FSCN3: variants seen among roughly 807,000 people sequenced by gnomAD.
FSCN3 encodes the protein fascin actin-bundling protein 3, also known as fascin-3.
Under a neutral mutation model 53.5 loss-of-function variants are expected in FSCN3, and 43 were observed. The observed-to-expected ratio is 0.80, with a 90% CI of 0.63 to 1.04. The LOEUF (loss-of-function observed/expected upper bound fraction) is 1.04, where lower values mean the gene tolerates loss of function less well. Ranked by LOEUF, FSCN3 falls within the 50% of genes least tolerant of loss-of-function variation. The probability of loss-of-function intolerance (pLI) is 0.00; values close to 1 mark genes in which losing one functional copy is unlikely to be tolerated. For synonymous variants in FSCN3, 235 were observed against 246.6 expected, an observed-to-expected ratio of 0.95 and a Z score of 0.44; for missense variants, 594 against 646.5, an observed-to-expected ratio of 0.92 and a Z score of 0.88.
intron 4 of FSCN3, among the ~76,000 whole-genome samples, chr7:127,598,830 C>T (rs190589042): frequency 6.6e-6 from 1 of 152,068 alleles, no homozygotes; most frequent in Non-Finnish European, 1.5e-5. Flanking sequence ...CATGGTGGTG[C>T]GGGCCTGTAA....
At chr7:127,595,045 C>G (rs1035869976) in intron 1 of FSCN3, 28 of 573,696 alleles carry the variant, frequency 4.9e-5, no homozygotes, top group Admixed American at 9.0e-5. Context: ...CTTCTGTTAG[C>G]TGAAGGAGGT....
chr7:127,599,586 A>G (rs374713146), intron 5 of FSCN3, 35 bp downstream of exon 5: 2 of 1,593,866 alleles, frequency 1.3e-6, no homozygotes, highest in Admixed American at 1.7e-5. Context: ...AAGGGTTCAC[A>G]GTCTAGTCCC....
chr7:127,594,770 T>G (rs548215807), intron 1 of FSCN3: 2 of 471,384 alleles, frequency 4.2e-6, no homozygotes, highest in South Asian at 3.1e-5. Context: ...GTTCTTCCTC[T>G]TATAACAAGG....
At position 127,595,319 on chromosome 7, in the gene FSCN3, T is replaced by C. The variant is rs1417533251; in HGVS notation, c.157T>C (p.Leu53=). The change falls in exon 2 of 7, where the codon TTG becomes CTG. Residue 53 remains leucine, a synonymous_variant. Coordinates refer to ENST00000265825, the MANE Select transcript of FSCN3 (RefSeq NM_020369.3). ...CTGATGCCTCCAGACCTGGGAGATCTTGGTGAGCAATGAGCATGAGACACA... is the reference window on the plus strand; with the variant it reads ...CTGATGCCTCCAGACCTGGGAGATCCTGGTGAGCAATGAGCATGAGACACA... ...SLGRRQTWEI[L]VSNEHETQAV... The C allele has an allele frequency of 1.9e-6, 3 of 1,610,332 alleles. No individual in the cohort carries two copies. Among genetic ancestry groups the C allele is most frequent in the Non-Finnish European group, 2.5e-6 (3 of 1,177,484 alleles).
rs139823590 is a variant in FSCN3 at position 127,594,140 on chromosome 7, C to T, written c.144+143C>T. ...CCTGTATATGAAAGTATACTGGAAC[C>T]GGTTTTCTGAGTGGCCAAGCTGTGT... On this transcript the variant is annotated intron_variant, in intron 1 of 6. Transcript: ENST00000265825. The T allele has an allele frequency of 2.0e-4, 181 of 920,024 alleles. 1 individual carries two copies. The African/African-American group carries it at 2.4e-3, about 12-fold the overall frequency. The allele number at this position is 920,024 out of a possible 1,614,324, so 57.0% of individuals were successfully genotyped here. A position where few individuals can be genotyped will look rare whatever the true frequency, so the allele number is the denominator to read the frequency against.
At chr7:127,596,113 T>TG (rs760295617) in intron 2 of FSCN3, 110 bp downstream of exon 2, 258 of 1,484,360 alleles carry the variant, frequency 1.7e-4, no homozygotes, top group Non-Finnish European at 2.3e-4. Context: ...AGGAAGATCC[T>TG]GGGGACCCAA....
chr7:127,596,587 C>A, intron 3 of FSCN3, 141 bp downstream of exon 3: 1 of 473,660 alleles, frequency 2.1e-6, no homozygotes, highest in East Asian at 3.1e-5. Context: ...TCATTTTCAC[C>A]CAATGGGGGC....
chr7:127,598,761 T>C (rs759804321), intron 4 of FSCN3, among the ~76,000 whole-genome samples, 167 bp downstream of exon 4: 2 of 152,074 alleles, frequency 1.3e-5, no homozygotes, highest in African/African-American at 2.4e-5. Context: ...GTTAGGAGTT[T>C]GAGACCAGCC....
In FSCN3 at chr7:127,595,648, T is replaced by C. The variant is rs1207123875; in HGVS notation, c.486T>C (p.Thr162=). 6.2e-7 allele frequency: 1 copy of C among 1,613,728 alleles called. No homozygotes were observed. Among genetic ancestry groups the C allele is most frequent in the African/African-American group, 1.3e-5 (1 of 74,900 alleles). ...GCTGCTATGCCCGGGCTGACCCCAC[T>C]ATGGGCCGCATCTGGGTGGACGCAG... ...IHRCYARADP[T]MGRIWVDAAV... is the part of the protein sequence containing the mutation. The change falls in exon 2 of 7, where the codon ACT becomes ACC. Residue 162 remains threonine (T), a synonymous_variant. Coordinates refer to ENST00000265825, the MANE Select transcript of FSCN3 (RefSeq NM_020369.3).
In FSCN3 at chr7:127,599,387, A is replaced by G. The variant is rs531153218; in HGVS notation, c.1127A>G (p.Asn376Ser). ...LMANVILPGP[N>S]EEFGILFANR... ...TCCTTCCTATTTCCTTCAGGCCCAA[A>G]TGAGGAATTTGGGATTTTATTTGCC... Residue 376 changes from asparagine (N) to serine (S), a missense_variant, in exon 5 of 7, where the codon AAT (asparagine) becomes AGT (serine). Transcript: ENST00000265825. The G allele has an allele frequency of 6.2e-7, 1 of 1,613,272 alleles. No homozygotes were observed. Among genetic ancestry groups the G allele is most frequent in the African/African-American group, 1.3e-5 (1 of 75,012 alleles).
Position 127,596,164 on chromosome 7 carries a change from G to A in FSCN3, c.841+161G>A, listed in dbSNP as rs139399162. On this transcript the variant is annotated intron_variant, in intron 2 of 6. Transcript: ENST00000265825. ...CATCGAGAAGGACAGAAAAGCATGG[G>A]TATGGGATTTAGGGGAAAGTTGCCT... is the stretch of plus-strand genomic sequence containing the variant. The A allele has an allele frequency of 3.0e-6, 3 of 985,354 alleles. No homozygotes were observed. The African/African-American group carries it at 5.2e-5, about 17-fold the overall frequency. The allele number at this position is 985,354 out of a possible 1,614,324, so 61.0% of individuals were successfully genotyped here.
chr7:127,597,484 T>TC (rs953480779), intron 3 of FSCN3, among the ~76,000 whole-genome samples: 1 of 151,852 alleles, frequency 6.6e-6, no homozygotes. Flanking sequence ...TTTAGAATTT[T>TC]TTTTTTTTTT....
intron 6 of FSCN3, among the ~76,000 whole-genome samples, chr7:127,601,188 A>G (rs1794469448): frequency 6.6e-6 from 1 of 152,218 alleles, no homozygotes; most frequent in African/African-American, 2.4e-5. Flanking sequence ...GCTTTTCTCC[A>G]GAAGCACTGC....
chr7:127,597,042 T>A (rs1157060350), intron 3 of FSCN3, among the ~76,000 whole-genome samples: 2 of 152,398 alleles, frequency 1.3e-5, no homozygotes, highest in African/African-American at 4.8e-5. Context: ...AATGTTCGTG[T>A]GTCAGTAGTT....
rs747805055 is a variant in FSCN3 at position 127,595,578 on chromosome 7, G to A, written c.416G>A (p.Arg139Gln). ...TCAGCTTACCACATGTGGACCCCCC[G>A]ACCAGCCCTCCATGTCCACGTGATC... The part of the protein sequence containing the change: ...VLSAYHMWTP[R>Q]PALHVHVILY... The change falls in exon 2 of 7, where the codon CGA (arginine) becomes CAA (glutamine). Residue 139 changes from arginine (R) to glutamine (Q), a missense_variant. Coordinates refer to ENST00000265825, the MANE Select transcript of FSCN3 (RefSeq NM_020369.3). 7 of 1,614,024 alleles carry A rather than the reference G, an allele frequency of 4.3e-6. No individual in the cohort carries two copies. Among genetic ancestry groups the A allele is most frequent in the Middle Eastern group, 1.6e-4 (1 of 6,062 alleles).
intron 6 of FSCN3, among the ~76,000 whole-genome samples, chr7:127,601,021 C>T (rs972257847): frequency 1.3e-5 from 2 of 152,146 alleles, no homozygotes; most frequent in Non-Finnish European, 2.9e-5. Flanking sequence ...TTGGGCATTC[C>T]CTCCTCCCAA....
intron 2 of FSCN3, 112 bp from the exon 3 acceptor site, chr7:127,596,216 C>G (rs918547849): frequency 6.6e-7 from 1 of 1,525,922 alleles, no homozygotes; most frequent in African/African-American, 1.4e-5. Flanking sequence ...TACCATGGTC[C>G]AACAGAAAGT....
At chr7:127,599,291 C>T in intron 4 of FSCN3, 90 bp from the exon 5 acceptor site, 1 of 912,858 alleles carries the variant, frequency 1.1e-6, no homozygotes, top group East Asian at 2.4e-5. Context: ...TTGACCACAC[C>T]CTTCTGCAAT....
rs1376439252 is a variant in FSCN3 at position 127,595,291 on chromosome 7, C to T, written c.145-16C>T. 1 of 1,594,398 alleles carries T rather than the reference C, an allele frequency of 6.3e-7. No individual in the cohort carries two copies. Among genetic ancestry groups the T allele is most frequent in the Non-Finnish European group, 8.6e-7 (1 of 1,168,504 alleles). On this transcript the variant is annotated splice_polypyrimidine_tract_variant and intron_variant, in intron 1 of 6. Coordinates refer to ENST00000265825, the MANE Select transcript of FSCN3 (RefSeq NM_020369.3). ...CGTGATACTGATTTCCCTCTTCTCC[C>T]TCCTGATGCCTCCAGACCTGGGAGA...
Sources: gnomAD v4.1 joint callset for allele counts (sites outside exome capture counted in the v4.1 genomes callset) on GRCh38, gnomAD v4.1.1 for gene constraint, MANE v1.5 for transcripts, NCBI Gene and HGNC (gene_info 2026-07-23, HGNC 2026-07-21) for gene names.